CFAP299: variants seen among roughly 807,000 people sequenced by gnomAD.
CFAP299 encodes cilia- and flagella-associated protein 299.
CFAP299 carries 21 observed loss-of-function variants against 27.0 expected under a neutral mutation model. The observed-to-expected ratio is 0.78, with a 90% confidence interval of 0.55 to 1.12. The LOEUF is 1.12. Ranked by LOEUF, CFAP299 falls within the 50% of genes most tolerant of loss-of-function variation. CFAP299 has a pLI of 0.00. For synonymous variants in CFAP299, 104 were observed against 98.1 expected (o/e 1.06, Z -0.36); for missense variants, 310 against 276.6 (o/e 1.12, Z -0.86).
At chr4:80,712,562 C>T (rs529704023) in intron 3 of CFAP299, among the ~76,000 whole-genome samples, 4 of 152,086 alleles carry the variant, frequency 2.6e-5, no homozygotes, top group Non-Finnish European at 5.9e-5. Flanking sequence ...ACAATGGTGA[C>T]TAACTGTATA....
rs115251247 is a variant in CFAP299 at position 80,609,948 on chromosome 4, A to G, written c.333+26765A>G. Among the ~76,000 whole-genome samples the G allele has an allele frequency of 8.5e-3, 1,296 of 152,196 alleles. 13 individuals carry two copies. The highest frequency in any genetic ancestry group is 0.029 in the African/African-American group (1,223 of 41,560). The stretch of plus-strand genomic sequence containing the variant: ...GACTATGTTTGAACCAACCAAATGC[A>G]CTTTAATAGGCCTATCCTTATCCAG... On this transcript the variant is annotated intron_variant, in intron 3 of 5. Transcript: ENST00000358105.
chr4:80,563,124 C>T (rs963591780), intron 2 of CFAP299, among the ~76,000 whole-genome samples: 1 of 152,046 alleles, frequency 6.6e-6, no homozygotes, highest in Non-Finnish European at 1.5e-5. Context: ...ACACTTTCAG[C>T]ATTGGATAGA....
chr4:80,599,939 A>G (rs1737245968), intron 3 of CFAP299, among the ~76,000 whole-genome samples: 1 of 152,166 alleles, frequency 6.6e-6, no homozygotes, highest in Non-Finnish European at 1.5e-5. Context: ...TTGGGATACA[A>G]AAACAAACAA....
At chr4:80,361,523 C>T (rs1397920902) in intron 1 of CFAP299, among the ~76,000 whole-genome samples, 2 of 152,130 alleles carry the variant, frequency 1.3e-5, no homozygotes, top group African/African-American at 2.4e-5. Flanking sequence ...GATATTTGCT[C>T]AGTTTTGTGG....
chr4:80,890,011 T>C (rs1734181531), intron 4 of CFAP299, among the ~76,000 whole-genome samples: 1 of 152,124 alleles, frequency 6.6e-6, no homozygotes, highest in South Asian at 2.1e-4. Context: ...GATCCACAGC[T>C]AATATCATAC....
chr4:80,743,686 A>G (rs1348966856), intron 3 of CFAP299, among the ~76,000 whole-genome samples: 1 of 152,206 alleles, frequency 6.6e-6, no homozygotes. Flanking sequence ...ATAAAAGAAA[A>G]TGCACTTATT....
chr4:80,568,208 G>C (rs1735407345), intron 2 of CFAP299, among the ~76,000 whole-genome samples: 1 of 151,616 alleles, frequency 6.6e-6, no homozygotes, highest in Non-Finnish European at 1.5e-5. Context: ...TTATATATGT[G>C]TATGCTTCTA....
intron 3 of CFAP299, among the ~76,000 whole-genome samples, chr4:80,835,287 A>T (rs1274062645): frequency 6.6e-6 from 1 of 151,908 alleles, no homozygotes; most frequent in Non-Finnish European, 1.5e-5. Context: ...TTTAGTAGAG[A>T]CGGGGTTTCA....
At chr4:80,963,451 A>AT (rs1738446273) in intron 5 of CFAP299, 66 bp from the exon 6 acceptor site, 2 of 969,478 alleles carry the variant, frequency 2.1e-6, no homozygotes, top group Non-Finnish European at 1.4e-6. Flanking sequence ...AAAAATAAAA[A>AT]AAAAATTTTA....
intron 3 of CFAP299, among the ~76,000 whole-genome samples, chr4:80,679,041 T>C (rs1719654748): frequency 6.6e-6 from 1 of 152,106 alleles, no homozygotes; most frequent in Non-Finnish European, 1.5e-5. Flanking sequence ...AAGAACTTCC[T>C]TGTGCTTTAT....
intron 4 of CFAP299, chr4:80,872,854 A>G (rs756843374): frequency 3.3e-5 from 31 of 926,582 alleles, no homozygotes; most frequent in Non-Finnish European, 3.7e-5. Flanking sequence ...TTATTTTTGG[A>G]TATTGATTAA....
chr4:80,913,821 C>G (rs1417033293), intron 4 of CFAP299, among the ~76,000 whole-genome samples: 3 of 152,168 alleles, frequency 2.0e-5, no homozygotes, highest in Non-Finnish European at 4.4e-5. Flanking sequence ...TCTCATCACC[C>G]CCTAAAGTAT....
At chr4:80,870,368 A>T (rs1185549594) in intron 4 of CFAP299, 1 of 1,175,990 alleles carries the variant, frequency 8.5e-7, no homozygotes, top group African/African-American at 1.6e-5. Flanking sequence ...ATTCCCAGTG[A>T]CATTCCTTTT....
In CFAP299 at chr4:80,941,537, C is replaced by G. The variant is rs141918227; in HGVS notation, c.477-3273C>G. Among the ~76,000 whole-genome samples, 231 of 152,312 alleles carry G rather than the reference C, an allele frequency of 1.5e-3. 1 individual carries two copies. Among genetic ancestry groups the G allele is most frequent in the African/African-American group, 5.1e-3 (212 of 41,576 alleles). On this transcript the variant is annotated intron_variant, in intron 4 of 5. Transcript: ENST00000358105. ...ACCACTAAATAGAGATTTTTCTCAACTAGCTCAACTATTTGTCCTTACATT... is the reference window on the plus strand; with the variant it reads ...ACCACTAAATAGAGATTTTTCTCAAGTAGCTCAACTATTTGTCCTTACATT...
At chr4:80,590,478 A>T (rs1736674921) in intron 3 of CFAP299, among the ~76,000 whole-genome samples, 1 of 152,092 alleles carries the variant, frequency 6.6e-6, no homozygotes, top group South Asian at 2.1e-4. Context: ...CTCTACTAAA[A>T]ATACAAAAAA....
intron 2 of CFAP299, among the ~76,000 whole-genome samples, chr4:80,453,092 C>G (rs1250474418): frequency 1.3e-5 from 2 of 152,142 alleles, no homozygotes; most frequent in Non-Finnish European, 2.9e-5. Flanking sequence ...GAGTAAGTCT[C>G]ATAGAAACTG....
chr4:80,737,653 T>C (rs1310507130), intron 3 of CFAP299, among the ~76,000 whole-genome samples: 1 of 152,156 alleles, frequency 6.6e-6, no homozygotes, highest in Non-Finnish European at 1.5e-5. Flanking sequence ...ATTTCTAATC[T>C]TAGTATCCTC....
chr4:80,386,518 G>T lies in CFAP299; in HGVS notation c.242+23634G>T, dbSNP rs575580604. 305 of 1,492,036 alleles carry T rather than the reference G, an allele frequency of 2.0e-4. 1 individual carries two copies. The South Asian group carries it at 3.3e-3, about 16-fold the overall frequency. The allele number at this position is 1,492,036 out of a possible 1,614,324, so 92.4% of individuals were successfully genotyped here. A position where few individuals can be genotyped will look rare whatever the true frequency, so the allele number is the denominator to read the frequency against. On this transcript the variant is annotated intron_variant, in intron 2 of 5. Transcript: ENST00000358105. The stretch of plus-strand genomic sequence containing the variant: ...CTCTTCTCGCGGGCGGTGGTGGGGG[G>T]GGGGGGTGCCGCCGGGTTTGCAGGT...
intron 2 of CFAP299, among the ~76,000 whole-genome samples, chr4:80,558,413 T>G (rs1734888453): frequency 6.7e-6 from 1 of 150,136 alleles, no homozygotes; most frequent in South Asian, 2.1e-4. Flanking sequence ...CTCTCTAGAT[T>G]ATTAGTGGCA....
Sources: allele counts gnomAD v4.1 joint callset (sites outside exome capture counted in the v4.1 genomes callset), GRCh38; gene constraint gnomAD v4.1.1; transcripts MANE v1.5; gene names NCBI Gene and HGNC (gene_info 2026-07-23, HGNC 2026-07-21).